CLSPN: variants seen among roughly 807,000 people sequenced by gnomAD.
CLSPN encodes claspin.
Under a neutral mutation model 156.3 loss-of-function variants are expected in CLSPN, and 85 were observed. The observed-to-expected ratio is 0.54, with a 90% confidence interval of 0.46 to 0.65. The LOEUF (loss-of-function observed/expected upper bound fraction) is 0.65, where lower values mean the gene tolerates loss of function less well. Among genes scored for constraint, CLSPN ranks in the 30% least tolerant of loss-of-function variants. The probability of loss-of-function intolerance (pLI) is 0.00; values close to 1 mark genes in which losing one functional copy is unlikely to be tolerated. For synonymous variants in CLSPN, 534 were observed against 542.4 expected, an observed-to-expected ratio of 0.98 and a Z score of 0.22; for missense variants, 1,407 against 1,554.9, an observed-to-expected ratio of 0.90 and a Z score of 1.60.
At chr1:35,761,743 C>T (rs1201441838) in intron 6 of CLSPN, among the ~76,000 whole-genome samples, 1 of 152,112 alleles carries the variant, frequency 6.6e-6, no homozygotes, top group Non-Finnish European at 1.5e-5. Flanking sequence ...CCAAAGAATC[C>T]TGACACAATC....
intron 22 of CLSPN, 130 bp from the exon 23 acceptor site, chr1:35,737,551 G>A: frequency 1.5e-6 from 1 of 653,646 alleles, no homozygotes; most frequent in Non-Finnish European, 2.6e-6. Context: ...TCTATATAAT[G>A]GTGACTTTCA....
At chr1:35,768,938 A>T (rs866998311) in intron 1 of CLSPN, among the ~76,000 whole-genome samples, 50 of 152,294 alleles carry the variant, frequency 3.3e-4, no homozygotes, top group African/African-American at 8.4e-4. Flanking sequence ...AATATTTTTT[A>T]AAAAATTAAA....
chr1:35,737,140 C>T, intron 23 of CLSPN, 65 bp from the exon 24 acceptor site: 1 of 1,509,562 alleles, frequency 6.6e-7, no homozygotes, highest in African/African-American at 1.4e-5. Context: ...AAAGTCCTTC[C>T]CTCCCTGCTT....
In CLSPN at chr1:35,749,332, C is replaced by T. The variant is rs569416395; in HGVS notation, c.2272+135G>A. ...CAAGAAAAATATTCTAATTCATAAACCCTTTTCATAGCTACATATGAAACT... is the reference window on the plus strand; with the variant it reads ...CAAGAAAAATATTCTAATTCATAAATCCTTTTCATAGCTACATATGAAACT... On this transcript the variant is annotated intron_variant, in intron 12 of 24. Transcript: ENST00000318121. The T allele has an allele frequency of 1.2e-4, 94 of 793,224 alleles. 1 individual carries two copies. The African/African-American group carries it at 1.5e-3, about 13-fold the overall frequency. The allele number at this position is 793,224 out of a possible 1,614,324, so 49.1% of individuals were successfully genotyped here. A position where few individuals can be genotyped will look rare whatever the true frequency, so the allele number is the denominator to read the frequency against.
intron 1 of CLSPN, among the ~76,000 whole-genome samples, chr1:35,767,687 C>T (rs1371918790): frequency 6.6e-6 from 1 of 152,182 alleles, no homozygotes; most frequent in Admixed American, 6.5e-5. Context: ...TTGGGTCCCT[C>T]CCCCAAGATA....
At chr1:35,769,678 G>T (rs558509316) in intron 1 of CLSPN, among the ~76,000 whole-genome samples, 169 bp downstream of exon 1, 1 of 152,310 alleles carries the variant, frequency 6.6e-6, no homozygotes, top group Admixed American at 6.5e-5. Flanking sequence ...TGCCCGGTCG[G>T]AACCCATCCC....
Position 35,732,510 on chromosome 1 carries a change from C to A in CLSPN, c.*3986G>T, listed in dbSNP as rs1471554877. 1 of 985,278 alleles carries A rather than the reference C, an allele frequency of 1.0e-6. No individual in the cohort carries two copies. Among genetic ancestry groups the A allele is most frequent in the Non-Finnish European group, 1.2e-6 (1 of 829,896 alleles). 61.0% of individuals were successfully genotyped at this position (985,278 alleles called of 1,614,324 possible). A position where few individuals can be genotyped will look rare whatever the true frequency, so the allele number is the denominator to read the frequency against. On this transcript the variant is annotated 3_prime_UTR_variant, in exon 25 of 25. Coordinates refer to ENST00000318121, the MANE Select transcript of CLSPN (RefSeq NM_022111.4). ...AAAATCTTATGGTTTATGGAAGAGA[C>A]CCTAGTATGGCTGTGCAACTGTGAA... is the stretch of plus-strand genomic sequence containing the variant.
In CLSPN at chr1:35,746,658, A is replaced by G; in HGVS notation, c.2854+108T>C. The G allele has an allele frequency of 1.4e-6, 1 of 723,736 alleles. No homozygotes were observed. Among genetic ancestry groups the G allele is most frequent in the Non-Finnish European group, 2.4e-6 (1 of 421,432 alleles). The allele number at this position is 723,736 out of a possible 1,614,324, so 44.8% of individuals were successfully genotyped here. ...AGCGATCCATCCAACTTAGCCTCCC[A>G]AAGTTCTAGGATTACAGGCATGAGC... On this transcript the variant is annotated intron_variant, in intron 15 of 24. Coordinates refer to ENST00000318121, the MANE Select transcript of CLSPN (RefSeq NM_022111.4). The surrounding 1 kb of genome is among the most constrained non-coding windows in gnomAD (Gnocchi z 4.2).
rs868410373 is a variant in CLSPN at position 35,743,299 on chromosome 1, A to G, written c.3043-58T>C. The G allele has an allele frequency of 1.5e-5, 22 of 1,449,544 alleles. No individual in the cohort carries two copies. In the Middle Eastern group the frequency reaches 5.3e-4, roughly 35 times the overall value. 89.8% of individuals were successfully genotyped at this position (1,449,544 alleles called of 1,614,324 possible). On this transcript the variant is annotated intron_variant, in intron 17 of 24. Transcript: ENST00000318121. ...GAATAAAATGCGTCCTCAATGAAAA[A>G]AGGATTTATAAACATCTGCCCAAAT...
intron 1 of CLSPN, among the ~76,000 whole-genome samples, chr1:35,769,040 G>C (rs1289017246): frequency 6.6e-6 from 1 of 152,186 alleles, no homozygotes; most frequent in Admixed American, 6.5e-5. Flanking sequence ...TGAGGTGATT[G>C]AGGCAAGGTC....
intron 1 of CLSPN, among the ~76,000 whole-genome samples, chr1:35,769,488 TC>T (rs1341674818): frequency 2.0e-5 from 3 of 152,182 alleles, no homozygotes; most frequent in Non-Finnish European, 4.4e-5. Context: ...GGCTAGAGCC[TC>T]CCGGCTTTCA....
intron 20 of CLSPN, among the ~76,000 whole-genome samples, 170 bp downstream of exon 20, chr1:35,738,966 A>G (rs1044700756): frequency 1.3e-5 from 2 of 151,788 alleles, no homozygotes; most frequent in African/African-American, 4.8e-5. Context: ...ACAGCCTGCT[A>G]ATTTTTGAAC....
chr1:35,738,009 T>G lies in CLSPN; in HGVS notation c.3647A>C (p.Lys1216Thr), dbSNP rs755465918. The G allele has an allele frequency of 2.0e-6, 3 of 1,493,740 alleles. No individual in the cohort carries two copies. The South Asian group carries it at 4.4e-5, about 22-fold the overall frequency. 92.5% of individuals were successfully genotyped at this position (1,493,740 alleles called of 1,614,324 possible). The change falls in exon 22 of 25, where the codon AAA becomes ACA. Residue 1216 changes from lysine to threonine, a missense_variant. Lys to Thr is a moderately conservative substitution (Grantham distance 78). Coordinates refer to ENST00000318121, the MANE Select transcript of CLSPN (RefSeq NM_022111.4). ...FMILAKKVTA[K>T]ALQKNASRPM... ...GAGCTCACCATTCTTCTGCAGTGCTTTGGCTGTAACTTTCTTGGCCAGTAT... is the reference window on the plus strand; with the variant it reads ...GAGCTCACCATTCTTCTGCAGTGCTGTGGCTGTAACTTTCTTGGCCAGTAT...
Position 35,737,400 on chromosome 1 carries a change from T to C in CLSPN, c.3686A>G (p.Gln1229Arg). The C allele has an allele frequency of 6.2e-7, 1 of 1,613,984 alleles. No individual in the cohort carries two copies. The highest frequency in any genetic ancestry group is 8.5e-7 in the Non-Finnish European group (1 of 1,179,868). Residue 1229 changes from glutamine (Q) to arginine (R), a missense_variant, in exon 23 of 25, where the codon CAG (glutamine) becomes CGG (arginine). By Grantham distance (43) the Gln-to-Arg change is conservative. This residue lies in a region of CLSPN where 241 missense variants were observed against 240.5 expected (regional missense o/e 1.00). Coordinates refer to ENST00000318121, the MANE Select transcript of CLSPN (RefSeq NM_022111.4). ...QKNASRPMVIQESKSLLRNPF... is the reference protein window; with the variant it reads ...QKNASRPMVIRESKSLLRNPF... ...ATTTCTGAGCAAAGACTTTGATTCC[T>C]GAATAACCATAGGGCGACTGGCTGG...
rs1188960510 is a variant in CLSPN at position 35,753,832 on chromosome 1, T to C, written c.1684A>G (p.Thr562Ala). Residue 562 changes from threonine (T) to alanine (A), a missense_variant, in exon 9 of 25, where the codon ACT (threonine) becomes GCT (alanine). By Grantham distance (58) the Thr-to-Ala change is moderately conservative (BLOSUM62 0). Transcript: ENST00000318121. Reference protein sequence around the residue: ...NVNVIVKDMGTDGKEELKADV... With the variant: ...NVNVIVKDMGADGKEELKADV... ...GCTTTTAGCTCTTCCTTTCCATCAG[T>C]GCCCATGTCTTTCACTATGACGTTC... 9 of 1,614,204 alleles carry C rather than the reference T, an allele frequency of 5.6e-6. No homozygotes were observed. In the East Asian group the frequency reaches 2.0e-4, roughly 36 times the overall value.
In CLSPN at chr1:35,742,876, T is replaced by C. The variant is rs143852690; in HGVS notation, c.3143+265A>G. Among the ~76,000 whole-genome samples, 878 of 151,954 alleles carry C rather than the reference T, an allele frequency of 5.8e-3. 12 individuals are homozygous for C. Among genetic ancestry groups the C allele is most frequent in the African/African-American group, 0.02 (832 of 41,424 alleles). Reference sequence around the variant, plus strand: ...ATTCTCCCTGCCTCAGCTTCCTGAGTAGCTGGGACTACAGGCACCTGTCAT... The same window carrying C: ...ATTCTCCCTGCCTCAGCTTCCTGAGCAGCTGGGACTACAGGCACCTGTCAT... On this transcript the variant is annotated intron_variant, in intron 18 of 24. Transcript: ENST00000318121.
intron 8 of CLSPN, among the ~76,000 whole-genome samples, chr1:35,755,234 G>A (rs1280517057): frequency 6.6e-6 from 1 of 151,944 alleles, no homozygotes; most frequent in Non-Finnish European, 1.5e-5. Flanking sequence ...GAGATAGCCA[G>A]GACTATAGGC....
rs1641533904 is a variant in CLSPN, at chr1:35,738,022, T to C, written c.3634A>G (p.Lys1212Glu). The change falls in exon 22 of 25, where the codon AAA becomes GAA. Residue 1212 changes from lysine (K) to glutamate (E), a missense_variant. This residue lies in a region of CLSPN where 241 missense variants were observed against 240.5 expected (regional missense o/e 1.00). Transcript: ENST00000318121. ...EDSQFMILAK[K>E]VTAKALQKNA... ...TTCTGCAGTGCTTTGGCTGTAACTT[T>C]CTTGGCCAGTATCATAAACTGACTG... is the stretch of plus-strand genomic sequence containing the variant. 6.7e-7 allele frequency: 1 copy of C among 1,497,186 alleles called. No individual in the cohort carries two copies. The allele number at this position is 1,497,186 out of a possible 1,614,324, so 92.7% of individuals were successfully genotyped here. A position where few individuals can be genotyped will look rare whatever the true frequency, so the allele number is the denominator to read the frequency against.
At position 35,749,904 on chromosome 1, in the gene CLSPN, C is replaced by G. The variant is rs1642024302; in HGVS notation, c.2029-93G>C. On this transcript the variant is annotated intron_variant, in intron 10 of 24. Coordinates refer to ENST00000318121, the MANE Select transcript of CLSPN (RefSeq NM_022111.4). Reference sequence around the variant, plus strand: ...AGCCTGAAATATGGCTGATTGGTTACAGATCACATCTTAAATTCAAAAAGG... The same window carrying G: ...AGCCTGAAATATGGCTGATTGGTTAGAGATCACATCTTAAATTCAAAAAGG... 5 of 1,356,094 alleles carry G rather than the reference C, an allele frequency of 3.7e-6. No individual in the cohort carries two copies. The Admixed American group carries it at 1.1e-4, about 30-fold the overall frequency. 84.0% of individuals were successfully genotyped at this position (1,356,094 alleles called of 1,614,324 possible).
Sources: gnomAD v4.1 joint callset for allele counts (sites outside exome capture counted in the v4.1 genomes callset) on GRCh38, gnomAD v4.1.1 for gene constraint, gnomAD v4.1.1 regional missense constraint, Gnocchi (gnomAD v3.1) non-coding constraint, MANE v1.5 for transcripts, NCBI Gene and HGNC (gene_info 2026-07-23, HGNC 2026-07-21) for gene names.